Variants in ASCC2 observed in about 807,000 individuals in gnomAD.
ASCC2 encodes activating signal cointegrator 1 complex subunit 2.
Under a neutral mutation model 93.5 loss-of-function variants are expected in ASCC2, and 42 were observed. The ratio of observed to expected loss-of-function variants is 0.45; its 90% CI spans 0.35 to 0.58. The LOEUF is 0.58. ASCC2 is among the 20% of genes least tolerant of loss of function. The probability of loss-of-function intolerance (pLI) is 0.00; values close to 1 mark genes in which losing one functional copy is unlikely to be tolerated. For synonymous variants in ASCC2, 364 were observed against 384.2 expected (o/e 0.95, Z 0.62); for missense variants, 859 against 977.6 (o/e 0.88, Z 1.62).
At position 29,827,756 on chromosome 22, in the gene ASCC2, C is replaced by CAACACACACACACA. The variant is rs1568952571; in HGVS notation, c.82-1977_82-1976insTGTGTGTGTGTGTT. Among the ~76,000 whole-genome samples the CAACACACACACACA allele has an allele frequency of 9.0e-3, 624 of 69,610 alleles. 11 individuals are homozygous for CAACACACACACACA. Among genetic ancestry groups the CAACACACACACACA allele is most frequent in the African/African-American group, 0.033 (584 of 17,952 alleles). The allele number at this position is 69,610 out of a possible 152,430, so 45.7% of individuals were successfully genotyped here. On this transcript the variant is annotated intron_variant, in intron 2 of 19. Coordinates refer to ENST00000307790, the MANE Select transcript of ASCC2 (RefSeq NM_032204.5). The stretch of plus-strand genomic sequence containing the variant: ...ACTCAGGCCAGGCTACTCATTCTCC[C>CAACACACACACACA]GACACACACACACACACACACACAC...
intron 1 of ASCC2, among the ~76,000 whole-genome samples, chr22:29,835,859 C>A (rs191397311): frequency 2.7e-3 from 407 of 152,138 alleles, no homozygotes; most frequent in African/African-American, 9.2e-3. Context: ...AAAGCTGTAA[C>A]AGGAAATGTC....
intron 13 of ASCC2, among the ~76,000 whole-genome samples, chr22:29,804,327 G>A (rs2147742001): frequency 6.6e-6 from 1 of 151,802 alleles, no homozygotes; most frequent in East Asian, 1.9e-4. Flanking sequence ...TATCTATTTA[G>A]AGGAGAGCTC....
chr22:29,792,773 C>T (rs1486216904), intron 17 of ASCC2, among the ~76,000 whole-genome samples: 4 of 152,196 alleles, frequency 2.6e-5, no homozygotes, highest in African/African-American at 9.7e-5. Context: ...CCAGTCCTCT[C>T]TTCAGTCGGG....
intron 8 of ASCC2, among the ~76,000 whole-genome samples, chr22:29,811,675 T>G (rs575536428): frequency 3.9e-4 from 59 of 152,282 alleles, no homozygotes; most frequent in Non-Finnish European, 6.9e-4. Context: ...CAAAAGTGTT[T>G]CCCTTTCTTC....
chr22:29,815,171 C>CCTGT (rs2060694433), intron 6 of ASCC2: 1 of 198,740 alleles, frequency 5.0e-6, no homozygotes, highest in African/African-American at 2.4e-5. Context: ...ATGGTGTGTA[C>CCTGT]CTGTAATCCC....
intron 18 of ASCC2, 44 bp downstream of exon 18, chr22:29,792,389 A>G: frequency 1.9e-6 from 3 of 1,609,840 alleles, no homozygotes; most frequent in Non-Finnish European, 2.5e-6. Flanking sequence ...TTCACCCCTC[A>G]GAACTGCACT....
At position 29,806,273 on chromosome 22, in the gene ASCC2, T is replaced by G; in HGVS notation, c.1103A>C (p.Asp368Ala). Residue 368 changes from aspartate to alanine, a missense_variant, in exon 12 of 20, where the codon GAT (aspartate) becomes GCT (alanine). Transcript: ENST00000307790. ...LQEKRFLRDY[D>A]ALFPVAEDIS... The stretch of plus-strand genomic sequence containing the variant: ...GTCTTCGGCCACGGGGAAGAGTGCA[T>G]CATAGTCCCGGAGGAACCTGCAGGC... The G allele has an allele frequency of 6.2e-7, 1 of 1,614,044 alleles. No homozygotes were observed. Among genetic ancestry groups the G allele is most frequent in the Non-Finnish European group, 8.5e-7 (1 of 1,180,004 alleles).
intron 10 of ASCC2, 31 bp from the exon 11 acceptor site, chr22:29,806,584 A>T (rs1241835161): frequency 6.3e-7 from 1 of 1,592,544 alleles, no homozygotes; most frequent in Non-Finnish European, 8.6e-7. Flanking sequence ...AGATGAGCTC[A>T]TGCAATGCAA....
At chr22:29,826,805 A>T (rs1325649814) in intron 2 of ASCC2, among the ~76,000 whole-genome samples, 2 of 152,016 alleles carry the variant, frequency 1.3e-5, no homozygotes, top group Non-Finnish European at 2.9e-5. Context: ...ACATTAAATT[A>T]TACCCATAAA....
At chr22:29,813,582 C>A in intron 7 of ASCC2, 40 bp from the exon 8 acceptor site, 1 of 1,343,190 alleles carries the variant, frequency 7.4e-7, no homozygotes, top group African/African-American at 1.4e-5. Flanking sequence ...CTCCTCTGTC[C>A]ACACATACAG....
At position 29,809,430 on chromosome 22, in the gene ASCC2, T is replaced by C. The variant is rs747499018; in HGVS notation, c.834-1245A>G. Among the ~76,000 whole-genome samples the C allele has an allele frequency of 1.1e-4, 17 of 152,194 alleles. 1 individual carries two copies. The highest frequency in any genetic ancestry group is 3.4e-3 in the Middle Eastern group (1 of 294). ...GTTTTGACCTCCTGGGCTCAAGCGA[T>C]CTTCCTGCCTCAGCCTCCCAAGACA... On this transcript the variant is annotated intron_variant, in intron 8 of 19. Transcript: ENST00000307790.
rs535601305 is a variant in ASCC2, at chr22:29,833,637, G to T, written c.-17-1295C>A. On this transcript the variant is annotated intron_variant, in intron 1 of 19. Transcript: ENST00000307790. ...GGCCTGACCCACAGAAGGGACATAC[G>T]TGTTAAATGAATCACGGAATAGAAG... 6 of 470,888 alleles carry T rather than the reference G, an allele frequency of 1.3e-5. 1 individual carries two copies. Among genetic ancestry groups the T allele is most frequent in the South Asian group, 9.3e-5 (6 of 64,552 alleles). 29.2% of individuals were successfully genotyped at this position (470,888 alleles called of 1,614,324 possible).
In ASCC2 at chr22:29,790,629, A is replaced by C. The variant is rs528699577; in HGVS notation, c.2023-81T>G. On this transcript the variant is annotated intron_variant, in intron 18 of 19. Transcript: ENST00000307790. ...GCGGCGATGAGGCCCTGCTCAAGTG[A>C]AGCTTGTCGATGCCTCCATGCCAGG... 2.8e-4 allele frequency: 395 copies of C among 1,420,742 alleles called. 8 individuals are homozygous for C. The South Asian group carries it at 4.2e-3, about 15-fold the overall frequency. The allele number at this position is 1,420,742 out of a possible 1,614,324, so 88.0% of individuals were successfully genotyped here.
chr22:29,809,141 A>AATT (rs59722783), intron 8 of ASCC2, among the ~76,000 whole-genome samples: 1 of 141,680 alleles, frequency 7.1e-6, no homozygotes, highest in Admixed American at 7.1e-5. Context: ...AAAAAAAAAA[A>AATT]TTTAACATGA....
At chr22:29,834,423 A>G in intron 1 of ASCC2, 1 of 463,770 alleles carries the variant, frequency 2.2e-6, no homozygotes, top group Non-Finnish European at 4.5e-6. Context: ...CCTGTTATAA[A>G]GACTGTGAAG....
intron 4 of ASCC2, 105 bp downstream of exon 4, chr22:29,824,982 A>C (rs952885382): frequency 9.1e-7 from 1 of 1,095,274 alleles, no homozygotes. Context: ...AAGAGAGACA[A>C]AGAGGAAACT....
At chr22:29,803,919 G>A (rs1180190087) in intron 13 of ASCC2, among the ~76,000 whole-genome samples, 1 of 152,174 alleles carries the variant, frequency 6.6e-6, no homozygotes, top group Non-Finnish European at 1.5e-5. Flanking sequence ...CCATGTGATA[G>A]CTCTGGGAAT....
At position 29,813,555 on chromosome 22, in the gene ASCC2, G is replaced by A; in HGVS notation, c.721-13C>T. ...TGTCCTTTAATTCCTGTTGCCAAAA[G>A]AATACACTGCATTATTCTCCTCTGT... On this transcript the variant is annotated splice_polypyrimidine_tract_variant and intron_variant, in intron 7 of 19. Transcript: ENST00000307790. 1 of 1,527,202 alleles carries A rather than the reference G, an allele frequency of 6.5e-7. No individual in the cohort carries two copies. The highest frequency in any genetic ancestry group is 9.1e-7 in the Non-Finnish European group (1 of 1,101,182). The allele number at this position is 1,527,202 out of a possible 1,614,324, so 94.6% of individuals were successfully genotyped here.
At position 29,825,051 on chromosome 22, in the gene ASCC2, A is replaced by G; in HGVS notation, c.411+36T>C. On this transcript the variant is annotated intron_variant, in intron 4 of 19. Coordinates refer to ENST00000307790, the MANE Select transcript of ASCC2 (RefSeq NM_032204.5). This position sits in a 1 kb window ranked among gnomAD's most constrained non-coding sequence, Gnocchi z 4.9. ...AGAGCCCGGCACAGAGGTGTCGAGT[A>G]TCGGGTGATGACCTGTCATGGGATC... 3 of 1,377,688 alleles carry G rather than the reference A, an allele frequency of 2.2e-6. No individual in the cohort carries two copies. The highest frequency in any genetic ancestry group is 2.9e-6 in the Non-Finnish European group (3 of 1,048,946). 85.3% of individuals were successfully genotyped at this position (1,377,688 alleles called of 1,614,324 possible).
Sources: gnomAD v4.1 joint callset for allele counts (sites outside exome capture counted in the v4.1 genomes callset) on GRCh38, gnomAD v4.1.1 for gene constraint, Gnocchi (gnomAD v3.1) non-coding constraint, MANE v1.5 for transcripts, NCBI Gene and HGNC (gene_info 2026-07-23, HGNC 2026-07-21) for gene names.